LSAMP: variants seen among roughly 807,000 people sequenced by gnomAD.
The protein encoded by LSAMP is limbic system-associated membrane protein.
A neutral mutation model predicts 38.6 loss-of-function variants in LSAMP; 7 were observed. That is an observed-to-expected ratio of 0.18 (90% CI 0.10 to 0.34). The LOEUF is 0.34. Among genes scored for constraint, LSAMP ranks in the 10% least tolerant of loss-of-function variants. The probability of loss-of-function intolerance (pLI) is 1.00; values close to 1 mark genes in which losing one functional copy is unlikely to be tolerated. For synonymous variants in LSAMP, 154 were observed against 166.8 expected (o/e 0.92, Z 0.59); for missense variants, 313 against 420.0 (o/e 0.75, Z 2.23).
intron 6 of LSAMP, among the ~76,000 whole-genome samples, chr3:115,812,167 C>T (rs1469322152): frequency 6.6e-6 from 1 of 151,898 alleles, no homozygotes; most frequent in African/African-American, 2.4e-5. Flanking sequence ...AAAACATCAC[C>T]CAATATAAAA....
At chr3:116,293,947 C>CTA (rs1247176137) in intron 1 of LSAMP, among the ~76,000 whole-genome samples, 1 of 151,976 alleles carries the variant, frequency 6.6e-6, no homozygotes, top group Non-Finnish European at 1.5e-5. Flanking sequence ...TATGTATATA[C>CTA]TATATACTAC....
At chr3:116,165,306 G>T (rs2107545268) in intron 1 of LSAMP, among the ~76,000 whole-genome samples, 1 of 152,248 alleles carries the variant, frequency 6.6e-6, no homozygotes, top group Admixed American at 6.5e-5. Context: ...TTCTCCTCTT[G>T]TGTTAAATCA....
At chr3:116,070,131 G>A (rs796132089) in intron 2 of LSAMP, among the ~76,000 whole-genome samples, 5 of 152,268 alleles carry the variant, frequency 3.3e-5, no homozygotes, top group African/African-American at 1.2e-4. Context: ...TTCATAGTGT[G>A]CTTAAATAGA....
intron 1 of LSAMP, among the ~76,000 whole-genome samples, chr3:116,444,046 T>C (rs951790475): frequency 1.3e-4 from 20 of 152,294 alleles, no homozygotes; most frequent in African/African-American, 4.6e-4. Flanking sequence ...CAAATTATTT[T>C]AGAGTTTGCC....
intron 1 of LSAMP, among the ~76,000 whole-genome samples, chr3:116,313,627 G>A (rs1358418828): frequency 6.6e-6 from 1 of 152,194 alleles, no homozygotes; most frequent in Non-Finnish European, 1.5e-5. Flanking sequence ...GCAAAGAAGG[G>A]CAGGAGAGAA....
chr3:116,249,956 G>T (rs2046657910), intron 1 of LSAMP, among the ~76,000 whole-genome samples: 1 of 151,924 alleles, frequency 6.6e-6, no homozygotes, highest in African/African-American at 2.4e-5. Flanking sequence ...TTTTTCTTAT[G>T]ACCTATAGGA....
intron 1 of LSAMP, among the ~76,000 whole-genome samples, chr3:116,304,449 G>C (rs1576495354): frequency 6.6e-6 from 1 of 152,192 alleles, no homozygotes; most frequent in South Asian, 2.1e-4. Context: ...GAAACAACAT[G>C]GTGGCTACGA....
At chr3:116,154,740 A>T (rs1459470883) in intron 1 of LSAMP, among the ~76,000 whole-genome samples, 1 of 152,026 alleles carries the variant, frequency 6.6e-6, no homozygotes, top group Admixed American at 6.6e-5. Context: ...TTTATTGATA[A>T]CCTCAAAGAG....
At chr3:116,308,181 CT>C (rs1319889778) in intron 1 of LSAMP, among the ~76,000 whole-genome samples, 2 of 151,978 alleles carry the variant, frequency 1.3e-5, no homozygotes, top group African/African-American at 4.8e-5. Flanking sequence ...TAAGATCCAT[CT>C]TACATGTCAT....
intron 3 of LSAMP, among the ~76,000 whole-genome samples, chr3:115,914,629 C>T (rs1937207526): frequency 6.6e-6 from 1 of 152,206 alleles, no homozygotes; most frequent in African/African-American, 2.4e-5. Context: ...GAGGCTTCCT[C>T]TTTCCTCCAT....
At position 115,962,460 on chromosome 3, in the gene LSAMP, G is replaced by T. The variant is rs928184554; in HGVS notation, c.514+57055C>A. ...TAGTGAAGAGTGCTCTGACCTTGGAGAACGAAGATCCAGGTGTGAGTCCCA... is the reference window on the plus strand; with the variant it reads ...TAGTGAAGAGTGCTCTGACCTTGGATAACGAAGATCCAGGTGTGAGTCCCA... On this transcript the variant is annotated intron_variant, in intron 3 of 6. Coordinates refer to ENST00000490035, the MANE Select transcript of LSAMP (RefSeq NM_002338.5). Among the ~76,000 whole-genome samples, 6 of 152,174 alleles carry T rather than the reference G, an allele frequency of 3.9e-5. No individual in the cohort carries two copies. The East Asian group carries it at 7.7e-4, about 20-fold the overall frequency.
intron 1 of LSAMP, among the ~76,000 whole-genome samples, chr3:116,131,746 A>T (rs1709139088): frequency 6.6e-6 from 1 of 152,072 alleles, no homozygotes; most frequent in Non-Finnish European, 1.5e-5. Flanking sequence ...CAAAAAAAGT[A>T]CTTAATGATA....
intron 1 of LSAMP, among the ~76,000 whole-genome samples, chr3:116,408,627 A>G (rs2107835596): frequency 6.6e-6 from 1 of 152,244 alleles, no homozygotes; most frequent in Middle Eastern, 3.4e-3. Flanking sequence ...GCCACCGTGC[A>G]TGATAGATAC....
At chr3:115,818,971 C>A (rs1934136851) in intron 6 of LSAMP, among the ~76,000 whole-genome samples, 1 of 147,772 alleles carries the variant, frequency 6.8e-6, no homozygotes, top group African/African-American at 2.5e-5. Flanking sequence ...GCCAGCCTGG[C>A]CAGCATGGTG....
intron 2 of LSAMP, among the ~76,000 whole-genome samples, chr3:116,035,892 A>T (rs1412595175): frequency 6.6e-6 from 1 of 152,198 alleles, no homozygotes; most frequent in Non-Finnish European, 1.5e-5. Flanking sequence ...TTCCTTTGGG[A>T]CCATACAACT....
At chr3:115,922,794 C>T (rs1937412702) in intron 3 of LSAMP, among the ~76,000 whole-genome samples, 1 of 152,054 alleles carries the variant, frequency 6.6e-6, no homozygotes, top group Non-Finnish European at 1.5e-5. Context: ...AGTTTAATTT[C>T]TCATGTGAAG....
At chr3:116,148,918 A>G (rs1438087258) in intron 1 of LSAMP, among the ~76,000 whole-genome samples, 1 of 152,058 alleles carries the variant, frequency 6.6e-6, no homozygotes, top group Non-Finnish European at 1.5e-5. Flanking sequence ...AGAAGTCAAT[A>G]GAGAAAATGG....
intron 1 of LSAMP, among the ~76,000 whole-genome samples, chr3:116,381,788 A>T (rs1056071030): frequency 2.0e-5 from 3 of 152,032 alleles, no homozygotes; most frequent in African/African-American, 7.2e-5. Flanking sequence ...GACTTTACTT[A>T]TCTGGATATG....
rs548788513 is a variant in LSAMP at position 115,946,894 on chromosome 3, C to T, written c.514+72621G>A. Among the ~76,000 whole-genome samples, 90 of 151,800 alleles carry T rather than the reference C, an allele frequency of 5.9e-4. 1 individual carries two copies. Among genetic ancestry groups the T allele is most frequent in the Middle Eastern group, 7.0e-3 (2 of 284 alleles). ...TGAAGACACTAAAATATCAGCATGT[C>T]AAACATATATGTTTAGATATATAGG... On this transcript the variant is annotated intron_variant, in intron 3 of 6. Coordinates refer to ENST00000490035, the MANE Select transcript of LSAMP (RefSeq NM_002338.5).
Sources: allele counts gnomAD v4.1 joint callset (sites outside exome capture counted in the v4.1 genomes callset), GRCh38; gene constraint gnomAD v4.1.1; transcripts MANE v1.5; gene names NCBI Gene and HGNC (gene_info 2026-07-23, HGNC 2026-07-21).